The following LSM7 variants were observed in gnomAD, a reference collection of about 807,000 sequenced individuals.
LSM7 encodes U6 snRNA-associated Sm-like protein LSm7.
A neutral mutation model predicts 14.1 loss-of-function variants in LSM7; 13 were observed. That is an observed-to-expected ratio of 0.92 (90% CI 0.60 to 1.47). The LOEUF is 1.47. LSM7 is among the 40% of genes most tolerant of loss of function. The pLI, the probability that LSM7 is intolerant of heterozygous loss-of-function variation, is 0.00. For missense variants in LSM7, 108 were observed against 140.8 expected (o/e 0.77, Z 1.18); for synonymous variants, 70 against 57.1 (o/e 1.23, Z -1.02).
chr19:2,328,531 C>G (rs1438353147), intron 1 of LSM7, 30 bp downstream of exon 1: 1 of 1,607,244 alleles, frequency 6.2e-7, no homozygotes, highest in East Asian at 2.2e-5. Flanking sequence ...GCTCCACGCC[C>G]CCCGGCTCCA....
chr19:2,321,936 G>A lies in LSM7; in HGVS notation c.170-114C>T. ...CACCTGCACCCTGCAGGCGCCACGA[G>A]CACGCAGGGACCTCAGACGGGATGC... On this transcript the variant is annotated intron_variant, in intron 3 of 3. Transcript: ENST00000252622. This position sits in a 1 kb window ranked among gnomAD's most constrained non-coding sequence, Gnocchi z 5.0. 9.9e-7 allele frequency: 1 copy of A among 1,011,540 alleles called. No homozygotes were observed. The highest frequency in any genetic ancestry group is 1.3e-6 in the Non-Finnish European group (1 of 760,744). 62.7% of individuals were successfully genotyped at this position (1,011,540 alleles called of 1,614,324 possible).
At chr19:2,323,815 TGTGCCGG>T (rs1024971634) in intron 3 of LSM7, among the ~76,000 whole-genome samples, 2 of 152,186 alleles carry the variant, frequency 1.3e-5, no homozygotes, top group African/African-American at 4.8e-5. Context: ...GTCCTCTAAC[TGTGCCGG>T]GCGCCCCGTC....
intron 2 of LSM7, chr19:2,327,820 T>C (rs1968065437): frequency 6.6e-6 from 1 of 152,552 alleles, no homozygotes; most frequent in Admixed American, 6.5e-5. Context: ...GGCTATTGAA[T>C]AAGTGACGTG....
At chr19:2,328,278 T>A (rs967287861) in intron 2 of LSM7, 109 bp downstream of exon 2, 60 of 972,230 alleles carry the variant, frequency 6.2e-5, no homozygotes, top group Admixed American at 3.9e-4. Flanking sequence ...TCAAAAAAAA[T>A]AATGAAAATA....
At chr19:2,322,428 C>T (rs868142326) in intron 3 of LSM7, among the ~76,000 whole-genome samples, 1 of 152,156 alleles carries the variant, frequency 6.6e-6, no homozygotes, top group Non-Finnish European at 1.5e-5. Context: ...GGAGTCCCAG[C>T]TACTCGGGAG....
intron 3 of LSM7, among the ~76,000 whole-genome samples, chr19:2,322,986 G>A (rs1270531377): frequency 6.6e-6 from 1 of 151,732 alleles, no homozygotes; most frequent in African/African-American, 2.4e-5. Context: ...CCAAAGTGCT[G>A]GGATTACAGG....
chr19:2,321,613 A>G lies in LSM7; in HGVS notation c.*67T>C. ...CAGGAGGCGGTACTGCGGTGGGAGCAGCAGCCAAGTCCGCGGGAAACCGAG... is the reference window on the plus strand; with the variant it reads ...CAGGAGGCGGTACTGCGGTGGGAGCGGCAGCCAAGTCCGCGGGAAACCGAG... On this transcript the variant is annotated 3_prime_UTR_variant, in exon 4 of 4. Transcript: ENST00000252622. This position sits in a 1 kb window ranked among gnomAD's most constrained non-coding sequence, Gnocchi z 5.0. The G allele has an allele frequency of 7.5e-7, 1 of 1,331,118 alleles. No homozygotes were observed. The highest frequency in any genetic ancestry group is 9.6e-7 in the Non-Finnish European group (1 of 1,036,596). The allele number at this position is 1,331,118 out of a possible 1,614,324, so 82.5% of individuals were successfully genotyped here.
intron 3 of LSM7, among the ~76,000 whole-genome samples, chr19:2,323,433 G>C (rs1209191650): frequency 6.6e-6 from 1 of 152,168 alleles, no homozygotes; most frequent in East Asian, 1.9e-4. Context: ...ACCAGCCCGG[G>C]CAACACAGTG....
At chr19:2,322,584 C>A (rs972123899) in intron 3 of LSM7, among the ~76,000 whole-genome samples, 1 of 152,080 alleles carries the variant, frequency 6.6e-6, no homozygotes, top group African/African-American at 2.4e-5. Flanking sequence ...GGGTGGGGAC[C>A]ATGTGGGCTG....
At position 2,321,653 on chromosome 19, in the gene LSM7, C is replaced by T; in HGVS notation, c.*27G>A. On this transcript the variant is annotated 3_prime_UTR_variant, in exon 4 of 4. Coordinates refer to ENST00000252622, the MANE Select transcript of LSM7 (RefSeq NM_016199.3). This position sits in a 1 kb window ranked among gnomAD's most constrained non-coding sequence, Gnocchi z 5.0. ...GGGAAACCGAGCTGCTCGGGCCTGCCCTGCACCCCCCGCGCCCCCGGCCAG... is the reference window on the plus strand; with the variant it reads ...GGGAAACCGAGCTGCTCGGGCCTGCTCTGCACCCCCCGCGCCCCCGGCCAG... 2 of 1,458,872 alleles carry T rather than the reference C, an allele frequency of 1.4e-6. No individual in the cohort carries two copies. The highest frequency in any genetic ancestry group is 2.7e-5 in the East Asian group (1 of 36,654). 90.4% of individuals were successfully genotyped at this position (1,458,872 alleles called of 1,614,324 possible). A position where few individuals can be genotyped will look rare whatever the true frequency, so the allele number is the denominator to read the frequency against.
intron 1 of LSM7, 31 bp from the exon 2 acceptor site, chr19:2,328,508 G>C (rs1968092390): frequency 6.2e-7 from 1 of 1,611,830 alleles, no homozygotes; most frequent in Non-Finnish European, 8.5e-7. Context: ...ATGAGACCTG[G>C]AGCGCGGCCC....
intron 2 of LSM7, chr19:2,327,915 G>A (rs1968069364): frequency 6.3e-6 from 1 of 159,708 alleles, no homozygotes; most frequent in African/African-American, 2.4e-5. Context: ...CCCCTGTGAA[G>A]TGGGTGGAGT....
intron 2 of LSM7, 183 bp downstream of exon 2, chr19:2,328,203 GA>G: frequency 1.8e-6 from 1 of 570,310 alleles, no homozygotes; most frequent in East Asian, 3.0e-5. Flanking sequence ...CTGGGAGGCG[GA>G]GGTTGCAGTG....
At chr19:2,326,856 G>A (rs532121004) in intron 2 of LSM7, among the ~76,000 whole-genome samples, 48 of 152,364 alleles carry the variant, frequency 3.2e-4, no homozygotes, top group African/African-American at 1.1e-3. Flanking sequence ...CACTGTAGGG[G>A]CAGACCACCA....
intron 2 of LSM7, among the ~76,000 whole-genome samples, chr19:2,326,312 T>TTG (rs145468909): frequency 0.062 from 8,028 of 129,558 alleles, 338 homozygotes; most frequent in African/African-American, 0.13. Context: ...TTTCTGCTTT[T>TTG]TGTGTGTGTG....
chr19:2,322,247 A>T (rs757993634), intron 3 of LSM7, among the ~76,000 whole-genome samples: 1 of 152,138 alleles, frequency 6.6e-6, no homozygotes, highest in Non-Finnish European at 1.5e-5. Context: ...CCCTATAACA[A>T]AGAGGCTGGG....
chr19:2,328,365 C>T (rs1223317813), intron 2 of LSM7, 22 bp downstream of exon 2: 6 of 1,609,092 alleles, frequency 3.7e-6, no homozygotes, highest in Non-Finnish European at 3.4e-6. Flanking sequence ...AGAGGGGGTA[C>T]CGACAGCGGG....
At chr19:2,323,948 C>T (rs932760012) in intron 3 of LSM7, among the ~76,000 whole-genome samples, 177 bp downstream of exon 3, 3 of 152,260 alleles carry the variant, frequency 2.0e-5, no homozygotes, top group Admixed American at 6.5e-5. Flanking sequence ...GCCCGTCCAT[C>T]GGCCGCCACG....
At chr19:2,327,879 T>G (rs1156464170) in intron 2 of LSM7, 7 of 154,844 alleles carry the variant, frequency 4.5e-5, no homozygotes, top group African/African-American at 1.2e-4. Flanking sequence ...TTACATTACA[T>G]GCCTGTAACC....
Sources: gnomAD v4.1 joint callset for allele counts (sites outside exome capture counted in the v4.1 genomes callset) on GRCh38, gnomAD v4.1.1 for gene constraint, Gnocchi (gnomAD v3.1) non-coding constraint, MANE v1.5 for transcripts, NCBI Gene and HGNC (gene_info 2026-07-23, HGNC 2026-07-21) for gene names.